RASSF8: variants seen among roughly 807,000 people sequenced by gnomAD.
The protein encoded by RASSF8 is ras association domain-containing protein 8.
A neutral mutation model predicts 48.5 loss-of-function variants in RASSF8; 22 were observed. The ratio of observed to expected loss-of-function variants is 0.45; its 90% CI spans 0.32 to 0.65. The LOEUF (loss-of-function observed/expected upper bound fraction) is 0.65. Ranked by LOEUF, RASSF8 falls within the 30% of genes least tolerant of loss-of-function variation. RASSF8 has a pLI of 0.03. For synonymous variants in RASSF8, 127 were observed against 171.5 expected (o/e 0.74, Z 2.03); for missense variants, 418 against 489.2 (o/e 0.85, Z 1.37).
intron 1 of RASSF8, among the ~76,000 whole-genome samples, chr12:25,970,120 G>A (rs17353650): frequency 3.9e-4 from 58 of 150,374 alleles, no homozygotes; most frequent in African/African-American, 1.3e-3. Context: ...TTGGTGAGAG[G>A]TTGCAGAATT....
rs111588165 is a variant in RASSF8, at chr12:26,026,037, G to A, written c.-108-29199G>A. Among the ~76,000 whole-genome samples the A allele has an allele frequency of 7.9e-5, 12 of 152,198 alleles. No individual in the cohort carries two copies. The South Asian group carries it at 8.3e-4, about 11-fold the overall frequency. ...AAGAAAAACTATAAAACTCATAGAC[G>A]TAAACTTAGGCATAAATCCTCTTGA... On this transcript the variant is annotated intron_variant, in intron 2 of 5. Transcript: ENST00000689635.
chr12:26,065,840 C>T (rs1197589663), intron 4 of RASSF8, among the ~76,000 whole-genome samples: 2 of 152,168 alleles, frequency 1.3e-5, no homozygotes, highest in Non-Finnish European at 2.9e-5. Flanking sequence ...TCCACAGTAC[C>T]CTCCTTTGCT....
chr12:25,977,730 C>A lies in RASSF8; in HGVS notation c.-202-17307C>A, dbSNP rs550911018. ...ATACTTTGATTTTGCCAACAGTTAC[C>A]AAGTTGGCCTTTTAAAAATTACCAT... On this transcript the variant is annotated intron_variant, in intron 1 of 5. Transcript: ENST00000689635. Among the ~76,000 whole-genome samples the A allele has an allele frequency of 7.2e-5, 11 of 151,780 alleles. No individual in the cohort carries two copies. The South Asian group carries it at 2.3e-3, about 32-fold the overall frequency.
intron 1 of RASSF8, among the ~76,000 whole-genome samples, chr12:25,968,371 C>G (rs1941406780): frequency 6.6e-6 from 1 of 152,098 alleles, no homozygotes; most frequent in Non-Finnish European, 1.5e-5. Flanking sequence ...GAGACAGAGT[C>G]TCGCTCTGTC....
intron 1 of RASSF8, among the ~76,000 whole-genome samples, chr12:25,967,832 G>A (rs1356674207): frequency 1.3e-5 from 2 of 152,202 alleles, no homozygotes; most frequent in African/African-American, 4.8e-5. Flanking sequence ...CCCCTCTGCA[G>A]TCTATCCAGG....
chr12:26,073,815 TACAC>T (rs1260923785), downstream of RASSF8, among the ~76,000 whole-genome samples: 6 of 85,766 alleles, frequency 7.0e-5, no homozygotes, highest in South Asian at 4.1e-4. Flanking sequence ...CACATATATA[TACAC>T]ATACACACAC....
intron 2 of RASSF8, among the ~76,000 whole-genome samples, chr12:26,030,062 A>T (rs1307817522): frequency 6.6e-6 from 1 of 152,240 alleles, no homozygotes; most frequent in Non-Finnish European, 1.5e-5. Flanking sequence ...TGTGGCAAAA[A>T]GATAAAGTAT....
chr12:26,067,769 T>C, intron 5 of RASSF8, 56 bp downstream of exon 5: 1 of 1,601,102 alleles, frequency 6.2e-7, no homozygotes, highest in South Asian at 1.1e-5. Context: ...CTTAACTTTT[T>C]TTGTTTTTGT....
intron 1 of RASSF8, among the ~76,000 whole-genome samples, chr12:25,986,726 T>C (rs1295074808): frequency 6.6e-6 from 1 of 152,212 alleles, no homozygotes; most frequent in Admixed American, 6.5e-5. Context: ...TTCTTTCCAG[T>C]GGCCATTGGC....
chr12:26,008,817 T>C (rs192539978), intron 2 of RASSF8, among the ~76,000 whole-genome samples: 97 of 152,230 alleles, frequency 6.4e-4, no homozygotes, highest in Non-Finnish European at 1.0e-3. Flanking sequence ...AGATTTGAGG[T>C]TGACGAAATC....
intron 1 of RASSF8, among the ~76,000 whole-genome samples, chr12:25,964,952 A>T (rs147446383): frequency 0.014 from 2,078 of 152,030 alleles, 38 homozygotes; most frequent in African/African-American, 0.041. Context: ...ATTAATTTAT[A>T]TATTTTTTGA....
At chr12:25,971,092 C>T (rs927416476) in intron 1 of RASSF8, among the ~76,000 whole-genome samples, 6 of 152,320 alleles carry the variant, frequency 3.9e-5, no homozygotes, top group South Asian at 2.1e-4. Context: ...CATTTCTTCA[C>T]GAGTTTCAAG....
Position 26,064,600 on chromosome 12 carries a change from A to T in RASSF8, c.206A>T (p.Tyr69Phe), listed in dbSNP as rs757608575. 1.6e-5 allele frequency: 26 copies of T among 1,614,048 alleles called. No homozygotes were observed. Among genetic ancestry groups the T allele is most frequent in the Non-Finnish European group, 2.0e-5 (24 of 1,180,030 alleles). ...PIISLNKWGQ[Y>F]ASDVQLILRR... The stretch of plus-strand genomic sequence containing the variant: ...ATATCCTTAAACAAATGGGGGCAGT[A>T]TGCTAGTGATGTGCAGCTCATTCTA... Residue 69 changes from tyrosine to phenylalanine, a missense_variant, in exon 4 of 6, where the codon TAT becomes TTT. Tyr to Phe is a conservative substitution (Grantham distance 22). Transcript: ENST00000689635.
chr12:26,055,483 T>TG, intron 3 of RASSF8, 37 bp downstream of exon 3: 1 of 1,497,814 alleles, frequency 6.7e-7, no homozygotes, highest in Middle Eastern at 1.7e-4. Context: ...AAAAGTACAT[T>TG]GTGCTTTCTT....
intron 2 of RASSF8, among the ~76,000 whole-genome samples, chr12:26,039,370 G>C (rs1943217696): frequency 6.6e-6 from 1 of 152,092 alleles, no homozygotes; most frequent in African/African-American, 2.4e-5. Context: ...CTCCTATTGA[G>C]GCTGGGTGTT....
chr12:26,073,017 A>C (rs1591825879), downstream of RASSF8: 2 of 203,200 alleles, frequency 9.8e-6, no homozygotes, highest in Non-Finnish European at 1.7e-5. Context: ...ACTGCTCCAA[A>C]GATGGCTTCA....
chr12:25,997,205 T>C (rs531491428), intron 2 of RASSF8, among the ~76,000 whole-genome samples: 2 of 152,186 alleles, frequency 1.3e-5, no homozygotes, highest in African/African-American at 4.8e-5. Context: ...TTTTACAGAT[T>C]ATTTATTTGC....
intron 2 of RASSF8, among the ~76,000 whole-genome samples, chr12:26,025,134 C>T (rs187189941): frequency 9.2e-5 from 14 of 152,284 alleles, no homozygotes; most frequent in Admixed American, 2.6e-4. Context: ...TATAAACACA[C>T]GCACACACGC....
chr12:26,069,932 T>G lies in RASSF8; in HGVS notation c.*1114T>G. On this transcript the variant is annotated 3_prime_UTR_variant, in exon 6 of 6. Transcript: ENST00000689635. ...AGTCAAATTCAGCATATGTTTTTAT[T>G]TTTAGGCTTGACTTTTACAAGACAT... 1.0e-6 allele frequency: 1 copy of G among 980,526 alleles called. No individual in the cohort carries two copies. Among genetic ancestry groups the G allele is most frequent in the Non-Finnish European group, 1.2e-6 (1 of 825,470 alleles). 60.7% of individuals were successfully genotyped at this position (980,526 alleles called of 1,614,324 possible).
Sources: allele counts gnomAD v4.1 joint callset (sites outside exome capture counted in the v4.1 genomes callset), GRCh38; gene constraint gnomAD v4.1.1; transcripts MANE v1.5; gene names NCBI Gene and HGNC (gene_info 2026-07-23, HGNC 2026-07-21).